The following NBEA variants were observed in gnomAD, a reference collection of about 807,000 sequenced individuals.
The protein encoded by NBEA is neurobeachin, also known as lysosomal-trafficking regulator 2.
NBEA carries 44 observed loss-of-function variants against 343.4 expected under a neutral mutation model. The ratio of observed to expected loss-of-function variants is 0.13; its 90% CI spans 0.10 to 0.16. NBEA has a LOEUF of 0.16. Among genes scored for constraint, NBEA ranks in the 10% least tolerant of loss-of-function variants. The pLI is 1.00. For synonymous variants in NBEA, 1,175 were observed against 1,238.7 expected (o/e 0.95, Z 1.08); for missense variants, 2,555 against 3,631.3 (o/e 0.70, Z 7.62).
intron 10 of NBEA, among the ~76,000 whole-genome samples, chr13:35,095,785 A>T (rs1482638675): frequency 6.6e-6 from 1 of 151,988 alleles, no homozygotes; most frequent in African/African-American, 2.4e-5. Context: ...AAATACTCCT[A>T]TGAAAATCTG....
intron 40 of NBEA, among the ~76,000 whole-genome samples, chr13:35,471,807 C>T (rs1473874137): frequency 1.3e-5 from 2 of 152,124 alleles, no homozygotes; most frequent in African/African-American, 2.4e-5. Flanking sequence ...TTCTTTTCTA[C>T]GTAAGAACTT....
chr13:35,055,088 A>G (rs1178896758), intron 6 of NBEA, among the ~76,000 whole-genome samples: 2 of 152,140 alleles, frequency 1.3e-5, no homozygotes, highest in Non-Finnish European at 2.9e-5. Flanking sequence ...TGAATAGTGC[A>G]TTTAAATAAT....
intron 14 of NBEA, among the ~76,000 whole-genome samples, chr13:35,117,984 C>G (rs1358649097): frequency 6.6e-6 from 1 of 151,800 alleles, no homozygotes; most frequent in Non-Finnish European, 1.5e-5. Flanking sequence ...TCAAAATATG[C>G]TAACTTTTTA....
chr13:35,050,184 T>C, intron 5 of NBEA, 85 bp from the exon 6 acceptor site: 1 of 1,304,322 alleles, frequency 7.7e-7, no homozygotes, highest in South Asian at 1.5e-5. Context: ...AAATAAGTTT[T>C]ATTTTTATAA....
At chr13:35,358,328 C>T (rs1469880844) in intron 38 of NBEA, among the ~76,000 whole-genome samples, 1 of 151,794 alleles carries the variant, frequency 6.6e-6, no homozygotes, top group African/African-American at 2.4e-5. Flanking sequence ...CTGGCCTCAA[C>T]AAATAATTCT....
chr13:35,267,397 A>G (rs1427349862), intron 34 of NBEA, among the ~76,000 whole-genome samples: 1 of 151,988 alleles, frequency 6.6e-6, no homozygotes, highest in East Asian at 1.9e-4. Flanking sequence ...ACATTTTTTA[A>G]TGAACAAAAA....
chr13:35,450,003 A>G (rs773833757), intron 39 of NBEA, among the ~76,000 whole-genome samples: 2 of 152,196 alleles, frequency 1.3e-5, no homozygotes, highest in Non-Finnish European at 2.9e-5. Flanking sequence ...TGATGTGACT[A>G]TGTTCCTCAA....
intron 1 of NBEA, among the ~76,000 whole-genome samples, chr13:35,021,716 A>G (rs2061846243): frequency 6.6e-6 from 1 of 152,040 alleles, no homozygotes; most frequent in African/African-American, 2.4e-5. Context: ...TGCTACTTCA[A>G]GTTTAGGGTT....
chr13:35,398,340 A>G (rs1251538413), intron 38 of NBEA, among the ~76,000 whole-genome samples: 1 of 152,194 alleles, frequency 6.6e-6, no homozygotes, highest in African/African-American at 2.4e-5. Flanking sequence ...ATATTTTGAC[A>G]TCCTTCCATG....
chr13:35,449,918 C>G lies in NBEA; in HGVS notation c.6305-2174C>G, dbSNP rs540632191. 2.0e-5 allele frequency among the ~76,000 whole-genome samples: 3 copies of G among 152,214 alleles called. No homozygotes were observed. The East Asian group carries it at 5.8e-4, about 29-fold the overall frequency. ...TTAAGGTACGCATTAACCATGTGCTCTAAATGTGGTTATGTAGTAGGAGCT... is the reference window on the plus strand; with the variant it reads ...TTAAGGTACGCATTAACCATGTGCTGTAAATGTGGTTATGTAGTAGGAGCT... On this transcript the variant is annotated intron_variant, in intron 39 of 58. Transcript: ENST00000379939.
At chr13:35,197,825 A>G (rs1165667622) in intron 31 of NBEA, among the ~76,000 whole-genome samples, 1 of 152,148 alleles carries the variant, frequency 6.6e-6, no homozygotes, top group African/African-American at 2.4e-5. Flanking sequence ...TACACAATAT[A>G]ATTTAAACTT....
intron 36 of NBEA, among the ~76,000 whole-genome samples, chr13:35,345,385 G>A (rs907139008): frequency 1.3e-5 from 2 of 152,014 alleles, no homozygotes; most frequent in African/African-American, 4.8e-5. Flanking sequence ...GGAAGCAAGA[G>A]ACTGATAAAT....
At chr13:35,477,671 C>G (rs971400588) in intron 41 of NBEA, among the ~76,000 whole-genome samples, 2 of 152,168 alleles carry the variant, frequency 1.3e-5, no homozygotes, top group African/African-American at 2.4e-5. Flanking sequence ...AAGGATATAT[C>G]TCCTGTCTTA....
intron 31 of NBEA, among the ~76,000 whole-genome samples, chr13:35,198,614 CATT>C (rs2072795431): frequency 6.6e-6 from 1 of 152,106 alleles, no homozygotes; most frequent in Non-Finnish European, 1.5e-5. Context: ...GGAGTGGAAT[CATT>C]ATTCTAAATT....
In NBEA at chr13:35,070,862, C is replaced by T. The variant is rs756964581; in HGVS notation, c.1571+10C>T. ...TGGAAACAACTGTCTGGTAAGTTTT[C>T]TTTGCATGTACAATTGCTGGTATTT... On this transcript the variant is annotated intron_variant, in intron 10 of 58. Coordinates refer to ENST00000379939, the MANE Select transcript of NBEA (RefSeq NM_001385012.1). 1 of 1,609,418 alleles carries T rather than the reference C, an allele frequency of 6.2e-7. No individual in the cohort carries two copies. The highest frequency in any genetic ancestry group is 8.5e-7 in the Non-Finnish European group (1 of 1,178,176).
At chr13:35,288,185 A>C (rs938311131) in intron 34 of NBEA, among the ~76,000 whole-genome samples, 3 of 152,028 alleles carry the variant, frequency 2.0e-5, no homozygotes, top group African/African-American at 7.2e-5. Context: ...ATACAGCTTA[A>C]GAGTTACTTA....
chr13:35,059,459 A>G (rs754815926), intron 8 of NBEA, among the ~76,000 whole-genome samples: 4 of 151,894 alleles, frequency 2.6e-5, no homozygotes, highest in Non-Finnish European at 5.9e-5. Flanking sequence ...AGTTAGTTTT[A>G]AGTGTGTAGT....
chr13:35,615,254 C>T (rs1034637178), intron 48 of NBEA, among the ~76,000 whole-genome samples: 1 of 148,146 alleles, frequency 6.8e-6, no homozygotes. Flanking sequence ...CACCATTGCA[C>T]TCCAGCCTAG....
chr13:35,252,423 C>A (rs1254031623), intron 34 of NBEA, among the ~76,000 whole-genome samples: 1 of 152,190 alleles, frequency 6.6e-6, no homozygotes, highest in Non-Finnish European at 1.5e-5. Context: ...ACCATATCAA[C>A]TCCCCTGCCA....
Sources: gnomAD v4.1 joint callset for allele counts (sites outside exome capture counted in the v4.1 genomes callset) on GRCh38, gnomAD v4.1.1 for gene constraint, MANE v1.5 for transcripts, NCBI Gene and HGNC (gene_info 2026-07-23, HGNC 2026-07-21) for gene names.